The following TXN2 variants were observed in gnomAD, a reference collection of about 807,000 sequenced individuals.
TXN2 encodes thioredoxin, mitochondrial.
In TXN2, 12 loss-of-function variants were observed where a neutral mutation model predicts 14.6. The ratio of observed to expected loss-of-function variants is 0.82; its 90% CI spans 0.53 to 1.33. The LOEUF is 1.33. Among genes scored for constraint, TXN2 ranks in the 40% most tolerant of loss-of-function variants. The pLI is 0.00. For synonymous variants in TXN2, 89 were observed against 81.0 expected, an observed-to-expected ratio of 1.10 and a Z score of -0.53; for missense variants, 173 against 207.7, an observed-to-expected ratio of 0.83 and a Z score of 1.03.
intron 1 of TXN2, chr22:36,481,168 C>G (rs1933493660): frequency 5.2e-6 from 1 of 192,730 alleles, no homozygotes; most frequent in Non-Finnish European, 1.1e-5. Context: ...GGTCTTCCTA[C>G]AGCAACTTCC....
intron 3 of TXN2, among the ~76,000 whole-genome samples, chr22:36,474,109 G>C (rs1214370002): frequency 6.6e-6 from 1 of 152,236 alleles, no homozygotes; most frequent in African/African-American, 2.4e-5. Context: ...GGCATAGCCA[G>C]GCAGGGGAAA....
chr22:36,471,895 G>A lies in TXN2; in HGVS notation c.388-3978C>T, dbSNP rs188044629. 5.3e-4 allele frequency among the ~76,000 whole-genome samples: 80 copies of A among 152,076 alleles called. 3 individuals are homozygous for A. In the East Asian group the frequency reaches 0.013, roughly 25 times the overall value. On this transcript the variant is annotated intron_variant, in intron 3 of 3. Coordinates refer to ENST00000216185, the MANE Select transcript of TXN2 (RefSeq NM_012473.4). ...TGAGGCAGGAGAAGTGCTTGAATGC[G>A]GGAGATGGAGGTCGCAGTGAGCCGA...
intron 2 of TXN2, among the ~76,000 whole-genome samples, 185 bp downstream of exon 2, chr22:36,480,390 C>G (rs1352187219): frequency 6.6e-6 from 1 of 152,232 alleles, no homozygotes; most frequent in Non-Finnish European, 1.5e-5. Flanking sequence ...GTCAGCTTTG[C>G]AGACTGTTCA....
chr22:36,469,371 C>T (rs1933225959), intron 3 of TXN2, among the ~76,000 whole-genome samples: 1 of 151,900 alleles, frequency 6.6e-6, no homozygotes, highest in Non-Finnish European at 1.5e-5. Flanking sequence ...CACGAGAGCA[C>T]ATTAGCTTGC....
rs142583599 is a variant in TXN2 at position 36,480,752 on chromosome 22, G to C, written c.86C>G (p.Ser29Cys). ...GCATTGTGGGGTCTGCAGGGCTCTG[G>C]AAGTGAGGGGTGGCCACTGACCCTG... ...PSQGQWPPLT[S>C]RALQTPQCSP... Residue 29 changes from serine (S) to cysteine (C), a missense_variant, in exon 2 of 4, where the codon TCC becomes TGC. By Grantham distance (112) the Ser-to-Cys change is moderately radical. Transcript: ENST00000216185. 3.0e-5 allele frequency: 48 copies of C among 1,613,984 alleles called. No homozygotes were observed. In the African/African-American group the frequency reaches 5.2e-4, roughly 17 times the overall value.
intron 2 of TXN2, among the ~76,000 whole-genome samples, chr22:36,478,823 T>C (rs1896759053): frequency 2.0e-5 from 3 of 151,736 alleles, no homozygotes; most frequent in African/African-American, 7.3e-5. Context: ...AAAAAAATTA[T>C]CTGGGTGGTA....
Position 36,481,609 on chromosome 22 carries a change from C to T in TXN2, c.-46G>A, listed in dbSNP as rs1378806796. On this transcript the variant is annotated 5_prime_UTR_variant, in exon 1 of 4. Coordinates refer to ENST00000216185, the MANE Select transcript of TXN2 (RefSeq NM_012473.4). Reference sequence around the variant, plus strand: ...GGGATGCACAGCCTAGCCCTCCCTGCCTGTCAAGGGCACGCCTGTCGTCAC... The same window carrying T: ...GGGATGCACAGCCTAGCCCTCCCTGTCTGTCAAGGGCACGCCTGTCGTCAC... 4 of 997,014 alleles carry T rather than the reference C, an allele frequency of 4.0e-6. No homozygotes were observed. Among genetic ancestry groups the T allele is most frequent in the Non-Finnish European group, 4.8e-6 (4 of 828,710 alleles). 61.8% of individuals were successfully genotyped at this position (997,014 alleles called of 1,614,324 possible). A position where few individuals can be genotyped will look rare whatever the true frequency, so the allele number is the denominator to read the frequency against.
At chr22:36,481,094 T>C (rs1200112710) in intron 1 of TXN2, 1 of 404,040 alleles carries the variant, frequency 2.5e-6, no homozygotes, top group Non-Finnish European at 4.4e-6. Flanking sequence ...AACGGAAGAA[T>C]GGGAGGAAGA....
chr22:36,480,935 G>T, intron 1 of TXN2, 98 bp from the exon 2 acceptor site: 2 of 1,323,670 alleles, frequency 1.5e-6, no homozygotes, highest in Non-Finnish European at 2.0e-6. Context: ...AAGAGGCAGA[G>T]TTGGAAGCAA....
At chr22:36,469,102 G>A (rs74573433) in intron 3 of TXN2, among the ~76,000 whole-genome samples, 7,857 of 152,204 alleles carry the variant, frequency 0.052, 665 homozygotes, top group African/African-American at 0.18. Flanking sequence ...AGGTTCTGGC[G>A]GACGCAATCC....
At chr22:36,469,560 G>T (rs1933229619) in intron 3 of TXN2, among the ~76,000 whole-genome samples, 1 of 152,190 alleles carries the variant, frequency 6.6e-6, no homozygotes, top group African/African-American at 2.4e-5. Flanking sequence ...TAGGTTATGT[G>T]GAACGTGGAT....
chr22:36,474,381 G>A (rs548028273), intron 3 of TXN2, among the ~76,000 whole-genome samples: 7 of 152,222 alleles, frequency 4.6e-5, no homozygotes, highest in East Asian at 1.9e-4. Flanking sequence ...CTCAAGGGGC[G>A]GCCAGCCTGT....
At chr22:36,479,628 G>C (rs1037780026) in intron 2 of TXN2, among the ~76,000 whole-genome samples, 2 of 152,018 alleles carry the variant, frequency 1.3e-5, no homozygotes, top group Non-Finnish European at 2.9e-5. Flanking sequence ...CACTGCGTCC[G>C]ACCTGAAGGC....
At chr22:36,480,118 G>A (rs189310128) in intron 2 of TXN2, among the ~76,000 whole-genome samples, 1 of 152,092 alleles carries the variant, frequency 6.6e-6, no homozygotes, top group Non-Finnish European at 1.5e-5. Flanking sequence ...CCTGACCTCA[G>A]GTGATCTGCC....
intron 3 of TXN2, among the ~76,000 whole-genome samples, chr22:36,472,282 G>C (rs1933295712): frequency 6.6e-6 from 1 of 152,180 alleles, no homozygotes; most frequent in Non-Finnish European, 1.5e-5. Context: ...CCTGGAGGGA[G>C]GAGGAAGGAG....
Position 36,480,567 on chromosome 22 carries a change from A to G in TXN2, c.263+8T>C. On this transcript the variant is annotated splice_region_variant and intron_variant, in intron 2 of 3. Coordinates refer to ENST00000216185, the MANE Select transcript of TXN2 (RefSeq NM_012473.4). ...GACCCTAGTCTTCTGTGGACCCCCA[A>G]TACTCACTGTGCGTGGAAATCCACA... is the stretch of plus-strand genomic sequence containing the variant. 1.2e-6 allele frequency: 2 copies of G among 1,612,162 alleles called. No individual in the cohort carries two copies. Among genetic ancestry groups the G allele is most frequent in the South Asian group, 1.1e-5 (1 of 90,910 alleles).
chr22:36,471,060 A>C (rs533164033), intron 3 of TXN2, among the ~76,000 whole-genome samples: 15 of 152,276 alleles, frequency 9.9e-5, no homozygotes, highest in Admixed American at 1.3e-4. Context: ...GACCCTGAGG[A>C]GGCGGCTGAA....
chr22:36,470,832 G>A (rs946532429), intron 3 of TXN2, among the ~76,000 whole-genome samples: 1 of 151,464 alleles, frequency 6.6e-6, no homozygotes, highest in African/African-American at 2.4e-5. Context: ...TCTCACTCAT[G>A]TAAACCTCCA....
intron 2 of TXN2, among the ~76,000 whole-genome samples, chr22:36,479,275 G>C (rs1933448860): frequency 6.6e-6 from 1 of 152,060 alleles, no homozygotes; most frequent in South Asian, 2.1e-4. Flanking sequence ...AGAAACAACT[G>C]GAAAGCCAGC....
Sources: gnomAD v4.1 joint callset for allele counts (sites outside exome capture counted in the v4.1 genomes callset) on GRCh38, gnomAD v4.1.1 for gene constraint, MANE v1.5 for transcripts, NCBI Gene and HGNC (gene_info 2026-07-23, HGNC 2026-07-21) for gene names.